FRMD3: variants seen among roughly 807,000 people sequenced by gnomAD.
FRMD3 encodes FERM domain containing 3.
FRMD3 carries 33 observed loss-of-function variants against 70.2 expected under a neutral mutation model. That is an observed-to-expected ratio of 0.47 (90% CI 0.36 to 0.63). The LOEUF is 0.63. FRMD3 is among the 20% of genes least tolerant of loss of function. FRMD3 has a pLI of 0.00. For synonymous variants in FRMD3, 279 were observed against 255.9 expected, an observed-to-expected ratio of 1.09 and a Z score of -0.86; for missense variants, 632 against 711.4, an observed-to-expected ratio of 0.89 and a Z score of 1.27.
chr9:83,246,257 G>C lies in FRMD3; in HGVS notation c.*1661C>G, dbSNP rs1017978535. ...CAGTGGAATGTTTTCAATCCACAGA[G>C]AAGCTCTATGCTCCATGGCATAAGT... is the stretch of plus-strand genomic sequence containing the variant. On this transcript the variant is annotated 3_prime_UTR_variant, in exon 14 of 14. Transcript: ENST00000304195. The C allele has an allele frequency of 1.0e-6, 1 of 984,964 alleles. No individual in the cohort carries two copies. The highest frequency in any genetic ancestry group is 1.7e-5 in the African/African-American group (1 of 57,348). 61.0% of individuals were successfully genotyped at this position (984,964 alleles called of 1,614,324 possible). A position where few individuals can be genotyped will look rare whatever the true frequency, so the allele number is the denominator to read the frequency against.
chr9:83,265,330 G>T (rs1191440527), intron 13 of FRMD3, among the ~76,000 whole-genome samples: 5 of 150,904 alleles, frequency 3.3e-5, no homozygotes, highest in Non-Finnish European at 7.4e-5. Flanking sequence ...AACCCGGGAG[G>T]TGGAGCTTGC....
intron 1 of FRMD3, among the ~76,000 whole-genome samples, chr9:83,462,841 G>C (rs1828014008): frequency 6.6e-6 from 1 of 152,150 alleles, no homozygotes; most frequent in South Asian, 2.1e-4. Flanking sequence ...CTATGTTTCA[G>C]AAACAGGGAT....
intron 13 of FRMD3, among the ~76,000 whole-genome samples, chr9:83,254,096 C>G (rs547286999): frequency 1.3e-5 from 2 of 148,962 alleles, no homozygotes; most frequent in African/African-American, 2.5e-5. Context: ...AGGGGAACAT[C>G]ACACACTGGG....
At chr9:83,313,808 C>T in intron 6 of FRMD3, 61 bp from the exon 7 acceptor site, 1 of 1,230,694 alleles carries the variant, frequency 8.1e-7, no homozygotes, top group Non-Finnish European at 1.2e-6. Flanking sequence ...ACTCGGAATC[C>T]CTTCATTCAA....
chr9:83,373,084 C>T (rs769796618), intron 2 of FRMD3, 129 bp from the exon 3 acceptor site: 2 of 718,354 alleles, frequency 2.8e-6, no homozygotes, highest in Non-Finnish European at 4.8e-6. Context: ...GAATTCCACA[C>T]TCTGAAGACC....
At chr9:83,280,474 C>G (rs535040938) in intron 13 of FRMD3, among the ~76,000 whole-genome samples, 11 of 152,268 alleles carry the variant, frequency 7.2e-5, no homozygotes, top group Non-Finnish European at 1.3e-4. Context: ...AGTGATAGAC[C>G]AAAAGCATGT....
intron 13 of FRMD3, among the ~76,000 whole-genome samples, chr9:83,250,788 T>C (rs577838931): frequency 2.6e-4 from 40 of 152,320 alleles, no homozygotes; most frequent in Admixed American, 1.2e-3. Flanking sequence ...CCATTTCTCC[T>C]CACTGGATAG....
At chr9:83,482,629 G>A (rs904071638) in intron 1 of FRMD3, among the ~76,000 whole-genome samples, 2 of 152,162 alleles carry the variant, frequency 1.3e-5, no homozygotes, top group African/African-American at 4.8e-5. Flanking sequence ...AATAAAGATG[G>A]TAGGACATTA....
At chr9:83,570,538 G>C in the FRMD3 span, among the ~76,000 whole-genome samples, 2 of 152,170 alleles carry the variant, frequency 1.3e-5, no homozygotes, top group Non-Finnish European at 2.9e-5. Flanking sequence ...CATATGCTTG[G>C]ATTGTTGAAG....
At position 83,247,633 on chromosome 9, in the gene FRMD3, T is replaced by C; in HGVS notation, c.*285A>G. The C allele has an allele frequency of 1.8e-6, 2 of 1,092,888 alleles. No homozygotes were observed. The highest frequency in any genetic ancestry group is 2.3e-6 in the Non-Finnish European group (2 of 888,520). 67.7% of individuals were successfully genotyped at this position (1,092,888 alleles called of 1,614,324 possible). On this transcript the variant is annotated 3_prime_UTR_variant, in exon 14 of 14. Transcript: ENST00000304195. ...ATCTAATTCAGTCCAATGTAACATG[T>C]ATTATGATATAATAGATGAAGGGTA... is the stretch of plus-strand genomic sequence containing the variant.
intron 1 of FRMD3, among the ~76,000 whole-genome samples, chr9:83,431,728 T>C (rs528992386): frequency 3.0e-4 from 46 of 152,248 alleles, no homozygotes; most frequent in Non-Finnish European, 5.9e-4. Flanking sequence ...ACTTCCCCAA[T>C]TGCAGCTCCC....
chr9:83,455,150 C>A (rs1229706684), intron 1 of FRMD3, among the ~76,000 whole-genome samples: 1 of 152,218 alleles, frequency 6.6e-6, no homozygotes, highest in African/African-American at 2.4e-5. Flanking sequence ...ACCCATCCCT[C>A]TTGAATTCCA....
intron 1 of FRMD3, among the ~76,000 whole-genome samples, chr9:83,437,440 C>A (rs1827168465): frequency 6.6e-6 from 1 of 152,132 alleles, no homozygotes; most frequent in Non-Finnish European, 1.5e-5. Flanking sequence ...CGTGCTCATT[C>A]TATATTTGTA....
At chr9:83,369,331 T>C (rs1824894050) in intron 3 of FRMD3, among the ~76,000 whole-genome samples, 1 of 152,162 alleles carries the variant, frequency 6.6e-6, no homozygotes, top group South Asian at 2.1e-4. Flanking sequence ...ATCCCAGTTC[T>C]TTGGGAGGCC....
At chr9:83,361,949 T>A (rs1824599245) in intron 3 of FRMD3, among the ~76,000 whole-genome samples, 3 of 152,170 alleles carry the variant, frequency 2.0e-5, no homozygotes, top group African/African-American at 7.2e-5. Context: ...ATGGCCCTGC[T>A]GACAACTTGG....
intron 3 of FRMD3, among the ~76,000 whole-genome samples, chr9:83,367,776 G>A (rs1461713806): frequency 1.3e-5 from 2 of 152,208 alleles, no homozygotes; most frequent in Non-Finnish European, 2.9e-5. Flanking sequence ...TTTTGGGTGA[G>A]TTTTGGTAAG....
intron 13 of FRMD3, chr9:83,267,078 G>T (rs41282409): frequency 2.0e-4 from 309 of 1,550,816 alleles, no homozygotes; most frequent in Non-Finnish European, 2.6e-4. Context: ...CTGTTGCAGT[G>T]GTTCACCATG....
chr9:83,454,927 C>T (rs1482963033), intron 1 of FRMD3, among the ~76,000 whole-genome samples: 7 of 151,826 alleles, frequency 4.6e-5, no homozygotes, highest in Non-Finnish European at 1.0e-4. Context: ...TGCCACCATA[C>T]TCAGGCTTAG....
At chr9:83,332,995 C>T (rs1823441701) in intron 6 of FRMD3, among the ~76,000 whole-genome samples, 1 of 152,222 alleles carries the variant, frequency 6.6e-6, no homozygotes, top group Non-Finnish European at 1.5e-5. Flanking sequence ...ATAACACTTT[C>T]TTGACCTGTG....
Sources: gnomAD v4.1 joint callset for allele counts (sites outside exome capture counted in the v4.1 genomes callset) on GRCh38, gnomAD v4.1.1 for gene constraint, MANE v1.5 for transcripts, NCBI Gene and HGNC (gene_info 2026-07-23, HGNC 2026-07-21) for gene names.